The following KCNIP4 variants were observed in gnomAD, a reference collection of about 807,000 sequenced individuals.
The protein encoded by KCNIP4 is potassium voltage-gated channel interacting protein 4.
KCNIP4 carries 12 observed loss-of-function variants against 34.0 expected under a neutral mutation model. The ratio of observed to expected loss-of-function variants is 0.35; its 90% CI spans 0.23 to 0.57. The LOEUF (loss-of-function observed/expected upper bound fraction) is 0.57, where lower values mean the gene tolerates loss of function less well. Ranked by LOEUF, KCNIP4 falls within the 20% of genes least tolerant of loss-of-function variation. KCNIP4 has a pLI of 0.83. For synonymous variants in KCNIP4, 124 were observed against 102.2 expected (o/e 1.21, Z -1.29); for missense variants, 238 against 311.7 (o/e 0.76, Z 1.78).
rs866342045 is a variant in KCNIP4, at chr4:21,589,190, A to G, written c.61+359381T>C. Among the ~76,000 whole-genome samples the G allele has an allele frequency of 6.4e-4, 42 of 65,974 alleles. 3 individuals carry two copies. The East Asian group carries it at 0.014, about 22-fold the overall frequency. 43.3% of individuals were successfully genotyped at this position (65,974 alleles called of 152,430 possible). The stretch of plus-strand genomic sequence containing the variant: ...TATATATATATATATATATATATAT[A>G]TATATATATATGTGTACATATATAA... On this transcript the variant is annotated intron_variant, in intron 1 of 8. Transcript: ENST00000382152.
At chr4:21,571,009 C>A (rs892037528) in intron 1 of KCNIP4, among the ~76,000 whole-genome samples, 2 of 152,180 alleles carry the variant, frequency 1.3e-5, no homozygotes, top group Non-Finnish European at 2.9e-5. Context: ...GCATTACATG[C>A]TTCTCCGTTT....
intron 1 of KCNIP4, among the ~76,000 whole-genome samples, chr4:21,286,524 G>A (rs1763131459): frequency 6.6e-6 from 1 of 152,132 alleles, no homozygotes; most frequent in African/African-American, 2.4e-5. Context: ...AGAGAGTGAG[G>A]CACCTCATTT....
At chr4:21,122,838 G>A (rs555244325) in intron 1 of KCNIP4, among the ~76,000 whole-genome samples, 1 of 152,274 alleles carries the variant, frequency 6.6e-6, no homozygotes, top group Admixed American at 6.5e-5. Context: ...TCTACCTGAA[G>A]GACTCTAGAG....
intron 1 of KCNIP4, among the ~76,000 whole-genome samples, chr4:21,237,397 T>G (rs1269285018): frequency 2.6e-5 from 4 of 152,146 alleles, no homozygotes; most frequent in African/African-American, 9.7e-5. Flanking sequence ...TAATGTAATT[T>G]TGGTCCACAT....
intron 1 of KCNIP4, among the ~76,000 whole-genome samples, chr4:21,503,519 G>C (rs1261423240): frequency 1.3e-5 from 2 of 152,168 alleles, no homozygotes; most frequent in East Asian, 3.9e-4. Flanking sequence ...GTATGAAGAA[G>C]GCATCTAACT....
At chr4:21,249,379 G>C (rs1259755722) in intron 1 of KCNIP4, among the ~76,000 whole-genome samples, 8 of 152,058 alleles carry the variant, frequency 5.3e-5, no homozygotes, top group Non-Finnish European at 1.2e-4. Context: ...AAATGGCAGT[G>C]GGCTGGGGAA....
At chr4:21,198,659 G>T (rs1431726206) in intron 1 of KCNIP4, among the ~76,000 whole-genome samples, 1 of 152,158 alleles carries the variant, frequency 6.6e-6, no homozygotes, top group Non-Finnish European at 1.5e-5. Context: ...CATGACCTGC[G>T]CTGGACTTAC....
chr4:21,835,126 A>G (rs1723240533), intron 1 of KCNIP4, among the ~76,000 whole-genome samples: 1 of 152,156 alleles, frequency 6.6e-6, no homozygotes, highest in Non-Finnish European at 1.5e-5. Context: ...ACTTTCAGGA[A>G]AAAAGTTTCA....
intron 5 of KCNIP4, among the ~76,000 whole-genome samples, chr4:20,736,778 A>G (rs12644782): frequency 0.33 from 50,645 of 152,040 alleles, 8,877 homozygotes; most frequent in African/African-American, 0.44. Flanking sequence ...GACCTTTTTT[A>G]GCAAAAATGA....
chr4:21,183,555 C>G (rs891313398), intron 1 of KCNIP4, among the ~76,000 whole-genome samples: 11 of 151,400 alleles, frequency 7.3e-5, no homozygotes, highest in African/African-American at 2.4e-4. Context: ...CTCACTGCAC[C>G]TCTGCATAAT....
chr4:21,101,503 A>G (rs1350218181), intron 1 of KCNIP4, among the ~76,000 whole-genome samples: 1 of 152,176 alleles, frequency 6.6e-6, no homozygotes, highest in African/African-American at 2.4e-5. Context: ...TAAACATAAG[A>G]GTGCAAGTAT....
chr4:20,785,451 G>T (rs374715854), intron 3 of KCNIP4, among the ~76,000 whole-genome samples: 1 of 150,914 alleles, frequency 6.6e-6, no homozygotes, highest in Non-Finnish European at 1.5e-5. Context: ...TGGTGTTCGT[G>T]TTCTCAGACT....
At chr4:21,339,393 CACTT>C (rs1177341526) in intron 1 of KCNIP4, among the ~76,000 whole-genome samples, 2 of 152,154 alleles carry the variant, frequency 1.3e-5, no homozygotes, top group Non-Finnish European at 1.5e-5. Context: ...TATGGAAAGG[CACTT>C]ACTAGCAGCT....
chr4:21,574,727 A>G (rs1284958967), intron 1 of KCNIP4, among the ~76,000 whole-genome samples: 1 of 152,282 alleles, frequency 6.6e-6, no homozygotes, highest in Middle Eastern at 3.4e-3. Flanking sequence ...ACAGAAGCTA[A>G]AACTAGATTT....
intron 1 of KCNIP4, among the ~76,000 whole-genome samples, chr4:21,109,508 CCTTT>C (rs1748950757): frequency 6.6e-6 from 1 of 152,254 alleles, no homozygotes; most frequent in Admixed American, 6.5e-5. Context: ...GTCTGTCACC[CCTTT>C]CTTTGACTAG....
chr4:21,875,769 G>A (rs1726076402), intron 1 of KCNIP4, among the ~76,000 whole-genome samples: 1 of 152,050 alleles, frequency 6.6e-6, no homozygotes, highest in South Asian at 2.1e-4. Context: ...AATCACACAG[G>A]CCTGATTTCA....
At chr4:21,382,398 A>G (rs1175227588) in intron 1 of KCNIP4, among the ~76,000 whole-genome samples, 2 of 152,192 alleles carry the variant, frequency 1.3e-5, no homozygotes, top group African/African-American at 4.8e-5. Flanking sequence ...GAGGATAGTC[A>G]TATCTTGCAT....
At chr4:21,589,182 A>ACG (rs1741923067) in intron 1 of KCNIP4, among the ~76,000 whole-genome samples, 2 of 70,724 alleles carry the variant, frequency 2.8e-5, no homozygotes, top group African/African-American at 6.0e-5. Context: ...ATATATATAT[A>ACG]TATATATATA....
intron 1 of KCNIP4, among the ~76,000 whole-genome samples, chr4:20,947,864 A>G (rs1364729048): frequency 6.6e-6 from 1 of 152,166 alleles, no homozygotes; most frequent in Non-Finnish European, 1.5e-5. Flanking sequence ...ATGTGACCCT[A>G]AGAGGACCAG....
Sources: allele counts gnomAD v4.1 joint callset (sites outside exome capture counted in the v4.1 genomes callset), GRCh38; gene constraint gnomAD v4.1.1; transcripts MANE v1.5; gene names NCBI Gene and HGNC (gene_info 2026-07-23, HGNC 2026-07-21).